Variants in MYO18A observed in about 807,000 individuals in gnomAD.
The protein encoded by MYO18A is myosin XVIIIA.
A neutral mutation model predicts 235.8 loss-of-function variants in MYO18A; 78 were observed. The ratio of observed to expected loss-of-function variants is 0.33; its 90% CI spans 0.28 to 0.40. MYO18A has a LOEUF of 0.40. Ranked by LOEUF, MYO18A falls within the 10% of genes least tolerant of loss-of-function variation. The probability of loss-of-function intolerance (pLI) is 1.00; values close to 1 mark genes in which losing one functional copy is unlikely to be tolerated. For synonymous variants in MYO18A, 977 were observed against 1,077.8 expected (o/e 0.91, Z 1.83); for missense variants, 2,215 against 2,699.3 (o/e 0.82, Z 3.98).
At chr17:29,179,591 T>G (rs1333417916) in intron 1 of MYO18A, among the ~76,000 whole-genome samples, 1 of 152,092 alleles carries the variant, frequency 6.6e-6, no homozygotes, top group Non-Finnish European at 1.5e-5. Flanking sequence ...CTGGGGCAGC[T>G]TGTCCGACCT....
rs761786963 is a variant in MYO18A at position 29,113,261 on chromosome 17, AGAGG to A, written c.2598+746_2598+749del. 1.1e-4 allele frequency among the ~76,000 whole-genome samples: 17 copies of A among 152,336 alleles called. No homozygotes were observed. The East Asian group carries it at 2.7e-3, about 24-fold the overall frequency. On this transcript the variant is annotated intron_variant, in intron 15 of 41. Transcript: ENST00000527372. ...GCCAAGCAGGGCCTCATGGCAGAGA[AGAGG>A]GAGGGAGAGGTAGGGATCAAAGCAG...
chr17:29,104,249 C>G lies in MYO18A; in HGVS notation c.3442-585G>C, dbSNP rs142160168. Among the ~76,000 whole-genome samples the G allele has an allele frequency of 2.6e-5, 4 of 152,214 alleles. No homozygotes were observed. The East Asian group carries it at 7.7e-4, about 29-fold the overall frequency. ...GGCAAATGGGTAGATGGATGGAGAC[C>G]CACCCCACTTAGGCAGTAATCCACA... On this transcript the variant is annotated intron_variant, in intron 20 of 41. Transcript: ENST00000527372.
rs2067169608 is a variant in MYO18A, at chr17:29,120,400, T to G, written c.1728+216A>C. Among the ~76,000 whole-genome samples the G allele has an allele frequency of 6.6e-6, 1 of 152,196 alleles. No individual in the cohort carries two copies. The highest frequency in any genetic ancestry group is 2.4e-5 in the African/African-American group (1 of 41,440). ...CCAGGGTTGGGAGAGTGAAGGGAAC[T>G]GGGCAGAAAGCTGGACTGGCCCCAT... On this transcript the variant is annotated intron_variant, in intron 7 of 41. Transcript: ENST00000527372. The surrounding 1 kb of genome is among the most constrained non-coding windows in gnomAD (Gnocchi z 4.2).
Position 29,111,835 on chromosome 17 carries a change from G to C in MYO18A, c.2627C>G (p.Ala876Gly), listed in dbSNP as rs528592786. Residue 876 changes from alanine to glycine, a missense_variant, in exon 16 of 42, where the codon GCG becomes GGG. Coordinates refer to ENST00000527372, the MANE Select transcript of MYO18A (RefSeq NM_078471.4). This position sits in a 1 kb window ranked among gnomAD's most constrained non-coding sequence, Gnocchi z 5.1. ...TTCCAATAGCCAGAGCAGGCCCCTCGCCTCGTCTGTGCGGGCCAGCGAGCG... is the reference window on the plus strand; with the variant it reads ...TTCCAATAGCCAGAGCAGGCCCCTCCCCTCGTCTGTGCGGGCCAGCGAGCG... ...LVRSLARTDE[A>G]RGLLWLLEEE... 2 of 1,613,654 alleles carry C rather than the reference G, an allele frequency of 1.2e-6. No individual in the cohort carries two copies. Among genetic ancestry groups the C allele is most frequent in the East Asian group, 4.5e-5 (2 of 44,872 alleles).
intron 11 of MYO18A, among the ~76,000 whole-genome samples, chr17:29,116,049 G>A (rs1388117864): frequency 6.6e-6 from 1 of 152,228 alleles, no homozygotes; most frequent in Non-Finnish European, 1.5e-5. Context: ...GGTCCTAAAG[G>A]AGGAGGTAAC....
At chr17:29,080,085 G>A (rs1037054156) in intron 41 of MYO18A, 7 of 985,932 alleles carry the variant, frequency 7.1e-6, no homozygotes, top group South Asian at 4.7e-5. Flanking sequence ...TCTTCCGGCC[G>A]CTGCGGGACC....
chr17:29,094,509 C>T lies in MYO18A; in HGVS notation c.4710+141G>A, dbSNP rs143065840. 29 of 850,268 alleles carry T rather than the reference C, an allele frequency of 3.4e-5. No homozygotes were observed. In the Admixed American group the frequency reaches 5.7e-4, roughly 17 times the overall value. The allele number at this position is 850,268 out of a possible 1,614,324, so 52.7% of individuals were successfully genotyped here. A position where few individuals can be genotyped will look rare whatever the true frequency, so the allele number is the denominator to read the frequency against. ...GTGGCTGGCACAGATCAGGTGCTCA[C>T]TCCACATTTTGTGAGTAGGTGAGTG... On this transcript the variant is annotated intron_variant, in intron 30 of 41. Coordinates refer to ENST00000527372, the MANE Select transcript of MYO18A (RefSeq NM_078471.4).
chr17:29,122,207 G>T lies in MYO18A; in HGVS notation c.1046C>A (p.Thr349Lys). Residue 349 changes from threonine to lysine, a missense_variant, in exon 3 of 42, where the codon ACG becomes AAG. Thr to Lys is a moderately conservative substitution (Grantham distance 78). Coordinates refer to ENST00000527372, the MANE Select transcript of MYO18A (RefSeq NM_078471.4). ...QIAAEEAWNE[T>K]EKVWLVHRDG... ...CCTATGGACCAGCCACACCTTCTCC[G>T]TCTCATTCCAGGCCTCTTCTGCTGC... 1.2e-6 allele frequency: 2 copies of T among 1,613,576 alleles called. No homozygotes were observed. Among genetic ancestry groups the T allele is most frequent in the Non-Finnish European group, 1.7e-6 (2 of 1,179,738 alleles).
At chr17:29,110,218 G>A (rs2066895889) in intron 18 of MYO18A, 117 bp from the exon 19 acceptor site, 1 of 1,437,324 alleles carries the variant, frequency 7.0e-7, no homozygotes, top group African/African-American at 1.4e-5. Flanking sequence ...GCACCAGCCA[G>A]GACATGCTAA....
chr17:29,097,852 C>G lies in MYO18A; in HGVS notation c.4038G>C (p.Glu1346Asp), dbSNP rs765459514. ...CCCGGATGAGACGGGCCTCCATCACCTCCATTTCCATAACCTCCATCTGCT... is the reference window on the plus strand; with the variant it reads ...CCCGGATGAGACGGGCCTCCATCACGTCCATTTCCATAACCTCCATCTGCT... ...LKKQMEVMEM[E>D]VMEARLIRAA... is the part of the protein sequence containing the mutation. The change falls in exon 26 of 42, where the codon GAG becomes GAC. Residue 1346 changes from glutamate (E) to aspartate (D), a missense_variant. Glu to Asp is a conservative substitution (Grantham distance 45). Transcript: ENST00000527372. 1 of 1,613,928 alleles carries G rather than the reference C, an allele frequency of 6.2e-7. No homozygotes were observed. The highest frequency in any genetic ancestry group is 8.5e-7 in the Non-Finnish European group (1 of 1,179,824).
In MYO18A at chr17:29,113,951, C is replaced by T. The variant is rs926184526; in HGVS notation, c.2598+60G>A. On this transcript the variant is annotated intron_variant, in intron 15 of 41. Transcript: ENST00000527372. ...AGCTCAGATGGGGAGGGCTCCACCA[C>T]GGGGAGAGGGGTGGGGAACGAGAGG... is the stretch of plus-strand genomic sequence containing the variant. 56 of 1,386,122 alleles carry T rather than the reference C, an allele frequency of 4.0e-5. No individual in the cohort carries two copies. In the East Asian group the frequency reaches 8.5e-4, roughly 21 times the overall value. 85.9% of individuals were successfully genotyped at this position (1,386,122 alleles called of 1,614,324 possible).
chr17:29,079,794 C>A, intron 41 of MYO18A: 1 of 986,102 alleles, frequency 1.0e-6, no homozygotes, highest in Non-Finnish European at 1.2e-6. Context: ...TCTTGCGCTT[C>A]TTTTCCTCCT....
intron 21 of MYO18A, among the ~76,000 whole-genome samples, chr17:29,100,012 G>A (rs565617824): frequency 1.7e-4 from 26 of 152,266 alleles, no homozygotes; most frequent in African/African-American, 6.0e-4. Flanking sequence ...TTCAAAGAGA[G>A]ATGAAAGGAG....
Position 29,165,924 on chromosome 17 carries a change from G to A in MYO18A, c.999+18C>T. 6.2e-7 allele frequency: 1 copy of A among 1,601,640 alleles called. No individual in the cohort carries two copies. Among genetic ancestry groups the A allele is most frequent in the Middle Eastern group, 1.7e-4 (1 of 6,002 alleles). ...TTCCCCATCCCTGCTTAGCCCAGGT[G>A]CCCAGGGAAGCACTCACATCGGATG... On this transcript the variant is annotated intron_variant, in intron 2 of 41. Coordinates refer to ENST00000527372, the MANE Select transcript of MYO18A (RefSeq NM_078471.4).
chr17:29,087,014 C>T lies in MYO18A; in HGVS notation c.5634G>A (p.Arg1878=). The T allele has an allele frequency of 6.2e-7, 1 of 1,614,028 alleles. No individual in the cohort carries two copies. The highest frequency in any genetic ancestry group is 8.5e-7 in the Non-Finnish European group (1 of 1,179,898). The stretch of plus-strand genomic sequence containing the variant: ...TCTCCTCCTTGGTGTCCCGGAGCTG[C>T]CTCTGTAGCCGCTTGTTCTGTTCCT... ...REKEQNKRLQ[R]QLRDTKEEMG... is the part of the protein sequence containing the mutation. The change falls in exon 38 of 42, where the codon AGG becomes AGA. Residue 1878 remains arginine (R), a synonymous_variant. Coordinates refer to ENST00000527372, the MANE Select transcript of MYO18A (RefSeq NM_078471.4).
chr17:29,171,969 T>C (rs2068415702), intron 1 of MYO18A, among the ~76,000 whole-genome samples: 1 of 151,006 alleles, frequency 6.6e-6, no homozygotes, highest in South Asian at 2.1e-4. Flanking sequence ...AAAGCAAGGA[T>C]AGGAAAATGT....
In MYO18A at chr17:29,158,034, T is replaced by A. The variant is rs1188273003; in HGVS notation, c.999+7908A>T. Among the ~76,000 whole-genome samples, 5 of 152,194 alleles carry A rather than the reference T, an allele frequency of 3.3e-5. No individual in the cohort carries two copies. The highest frequency in any genetic ancestry group is 1.2e-4 in the African/African-American group (5 of 41,452). On this transcript the variant is annotated intron_variant, in intron 2 of 41. Transcript: ENST00000527372. The surrounding 1 kb of genome is among the most constrained non-coding windows in gnomAD (Gnocchi z 4.3). ...GTCTCAAACTCCTAGGCTCAAGCGA[T>A]CTGCCCACCTCAGCCTCCCAAAGTG...
chr17:29,144,572 G>A (rs553549362), intron 2 of MYO18A, among the ~76,000 whole-genome samples: 2 of 152,324 alleles, frequency 1.3e-5, no homozygotes, highest in East Asian at 3.8e-4. Flanking sequence ...ACTTCTTAGA[G>A]TTTCTACCTT....
At position 29,110,422 on chromosome 17, in the gene MYO18A, C is replaced by T. The variant is rs772528026; in HGVS notation, c.3087+14G>A. ...GTCCCCAGGCCTGCCTGCTGGGACC[C>T]GGCTGGCACTCACCACCTGTAGCTT... On this transcript the variant is annotated intron_variant, in intron 18 of 41. Coordinates refer to ENST00000527372, the MANE Select transcript of MYO18A (RefSeq NM_078471.4). 1.6e-5 allele frequency: 25 copies of T among 1,567,116 alleles called. No individual in the cohort carries two copies. Among genetic ancestry groups the T allele is most frequent in the African/African-American group, 1.1e-4 (8 of 73,898 alleles).
Sources: allele counts gnomAD v4.1 joint callset (sites outside exome capture counted in the v4.1 genomes callset), GRCh38; gene constraint gnomAD v4.1.1; non-coding constraint Gnocchi (gnomAD v3.1); transcripts MANE v1.5; gene names NCBI Gene and HGNC (gene_info 2026-07-23, HGNC 2026-07-21).